The following NTNG1 variants were observed in gnomAD, a reference collection of about 807,000 sequenced individuals.
NTNG1 encodes the protein netrin-G1.
In NTNG1, 16 loss-of-function variants were observed where a neutral mutation model predicts 54.0. The observed-to-expected ratio is 0.30, with a 90% confidence interval of 0.20 to 0.45. NTNG1 has a LOEUF of 0.45. Among genes scored for constraint, NTNG1 ranks in the 20% least tolerant of loss-of-function variants. The pLI is 1.00. For synonymous variants in NTNG1, 255 were observed against 263.1 expected (o/e 0.97, Z 0.30); for missense variants, 530 against 678.7 (o/e 0.78, Z 2.43).
At chr1:107,294,517 C>T (rs1665824283) in intron 2 of NTNG1, among the ~76,000 whole-genome samples, 1 of 152,140 alleles carries the variant, frequency 6.6e-6, no homozygotes, top group South Asian at 2.1e-4. Context: ...CCTGCCCCTC[C>T]ACTACTAAAC....
At chr1:107,436,628 A>T (rs1317250865) in intron 6 of NTNG1, 37 bp from the exon 7 acceptor site, 4 of 1,602,902 alleles carry the variant, frequency 2.5e-6, no homozygotes. Flanking sequence ...AGCCATGCAG[A>T]CTTGTCTCCA....
At chr1:107,398,930 A>C (rs141832950) in intron 4 of NTNG1, among the ~76,000 whole-genome samples, 190 of 152,284 alleles carry the variant, frequency 1.2e-3, no homozygotes, top group African/African-American at 4.1e-3. Flanking sequence ...ATAACTCTTT[A>C]AACTCTGATC....
At chr1:107,400,382 A>G (rs1384241242) in intron 4 of NTNG1, among the ~76,000 whole-genome samples, 4 of 152,170 alleles carry the variant, frequency 2.6e-5, no homozygotes, top group Non-Finnish European at 5.9e-5. Context: ...TAAATTTACT[A>G]CAGGCTTTTA....
At position 107,381,348 on chromosome 1, in the gene NTNG1, T is replaced by TAAAAAAA. The variant is rs10598493; in HGVS notation, c.888-13784_888-13778dup. Among the ~76,000 whole-genome samples the TAAAAAAA allele has an allele frequency of 1.2e-3, 62 of 51,656 alleles. 1 individual carries two copies. Among genetic ancestry groups the TAAAAAAA allele is most frequent in the African/African-American group, 3.6e-3 (50 of 13,716 alleles). 33.9% of individuals were successfully genotyped at this position (51,656 alleles called of 152,430 possible). On this transcript the variant is annotated intron_variant, in intron 3 of 7. Transcript: ENST00000370068. ...AAAATATAGCACCTTTCTCTTTAAC[T>TAAAAAAA]AAAAAAAAAAAAAAAAAAAAAAAAA...
intron 2 of NTNG1, among the ~76,000 whole-genome samples, chr1:107,160,539 G>A (rs1020608591): frequency 9.2e-5 from 14 of 151,878 alleles, no homozygotes; most frequent in African/African-American, 2.9e-4. Flanking sequence ...AAATAGAGAC[G>A]TACGTAACAT....
chr1:107,382,204 A>C (rs1196219514), intron 3 of NTNG1, among the ~76,000 whole-genome samples: 1 of 152,188 alleles, frequency 6.6e-6, no homozygotes, highest in Non-Finnish European at 1.5e-5. Context: ...CAAAAGCTAC[A>C]GCATGCAACC....
At chr1:107,410,459 GT>G (rs1239116514) in intron 5 of NTNG1, 4 of 152,070 alleles carry the variant, frequency 2.6e-5, no homozygotes, top group African/African-American at 9.7e-5. Flanking sequence ...TAACAAATAG[GT>G]TTCCCATAAT....
intron 2 of NTNG1, among the ~76,000 whole-genome samples, chr1:107,189,673 G>T (rs902896398): frequency 6.6e-6 from 1 of 151,994 alleles, no homozygotes; most frequent in Non-Finnish European, 1.5e-5. Context: ...TAAACCATCA[G>T]TTGCCCATCA....
chr1:107,376,147 G>A (rs568336012), intron 3 of NTNG1, among the ~76,000 whole-genome samples: 27 of 152,244 alleles, frequency 1.8e-4, no homozygotes, highest in Admixed American at 5.9e-4. Flanking sequence ...TAGGCTGGGC[G>A]CGGTGGCTCA....
intron 2 of NTNG1, among the ~76,000 whole-genome samples, chr1:107,154,751 T>C (rs1654848587): frequency 6.7e-6 from 1 of 149,544 alleles, no homozygotes; most frequent in Non-Finnish European, 1.5e-5. Context: ...AAGAACCTGA[T>C]ATATATATAT....
chr1:107,246,408 C>CAAAAAAAAAAAAAAA (rs61237534), intron 2 of NTNG1, among the ~76,000 whole-genome samples: 1 of 138,572 alleles, frequency 7.2e-6, no homozygotes, highest in Non-Finnish European at 1.6e-5. Context: ...CTTGTTTAAG[C>CAAAAAAAAAAAAAAA]AAAAAAAAAA....
chr1:107,266,691 T>C (rs1216764328), intron 2 of NTNG1, among the ~76,000 whole-genome samples: 1 of 150,196 alleles, frequency 6.7e-6, no homozygotes, highest in African/African-American at 2.5e-5. Flanking sequence ...CTCTCTAAGG[T>C]GAGAGTTTCC....
intron 2 of NTNG1, among the ~76,000 whole-genome samples, chr1:107,189,350 C>CAAAAA (rs34104583): frequency 0.02 from 2,271 of 112,716 alleles, 126 homozygotes; most frequent in Middle Eastern, 0.036. Flanking sequence ...GACCTTGTCT[C>CAAAAA]AAAAAAAAAA....
intron 2 of NTNG1, among the ~76,000 whole-genome samples, chr1:107,285,917 C>T (rs540430112): frequency 6.6e-6 from 1 of 152,020 alleles, no homozygotes; most frequent in Admixed American, 6.6e-5. Flanking sequence ...GACACTCGCT[C>T]CTCACCGCTA....
chr1:107,424,656 T>A (rs1674782201), intron 5 of NTNG1, among the ~76,000 whole-genome samples: 1 of 152,002 alleles, frequency 6.6e-6, no homozygotes, highest in African/African-American at 2.4e-5. Context: ...AGTCATGTAG[T>A]GAGATGGAGA....
chr1:107,464,024 T>C (rs1677443180), intron 7 of NTNG1, among the ~76,000 whole-genome samples: 1 of 152,214 alleles, frequency 6.6e-6, no homozygotes, highest in Non-Finnish European at 1.5e-5. Flanking sequence ...GCAGTTAGGA[T>C]GAAGGCTTCA....
chr1:107,198,239 T>A (rs1658482113), intron 2 of NTNG1, among the ~76,000 whole-genome samples: 1 of 139,610 alleles, frequency 7.2e-6, no homozygotes, highest in African/African-American at 2.6e-5. Context: ...CACATACTGA[T>A]ATACTTATGG....
At chr1:107,446,686 G>A (rs1356199368) in intron 7 of NTNG1, among the ~76,000 whole-genome samples, 3 of 152,016 alleles carry the variant, frequency 2.0e-5, no homozygotes, top group African/African-American at 7.2e-5. Context: ...AGAGATTCTG[G>A]ATTACCCACA....
At chr1:107,219,704 G>C (rs535581176) in intron 2 of NTNG1, among the ~76,000 whole-genome samples, 2 of 152,120 alleles carry the variant, frequency 1.3e-5, no homozygotes, top group Non-Finnish European at 2.9e-5. Flanking sequence ...CCCAGCTCTG[G>C]GCTGGTACCA....
Sources: allele counts gnomAD v4.1 joint callset (sites outside exome capture counted in the v4.1 genomes callset), GRCh38; gene constraint gnomAD v4.1.1; transcripts MANE v1.5; gene names NCBI Gene and HGNC (gene_info 2026-07-23, HGNC 2026-07-21).